The following MAML2 variants were observed in gnomAD, a reference collection of about 807,000 sequenced individuals.
MAML2 encodes the protein mastermind like transcriptional coactivator 2.
A neutral mutation model predicts 96.1 loss-of-function variants in MAML2; 22 were observed. That is an observed-to-expected ratio of 0.23 (90% CI 0.16 to 0.33). The LOEUF (loss-of-function observed/expected upper bound fraction) is 0.33. MAML2 is among the 10% of genes least tolerant of loss of function. The pLI is 1.00. For synonymous variants in MAML2, 561 were observed against 521.3 expected, an observed-to-expected ratio of 1.08 and a Z score of -1.04; for missense variants, 1,367 against 1,392.4, an observed-to-expected ratio of 0.98 and a Z score of 0.29.
intron 2 of MAML2, among the ~76,000 whole-genome samples, chr11:96,064,052 TG>T (rs1199185972): frequency 6.6e-6 from 1 of 152,228 alleles, no homozygotes; most frequent in Non-Finnish European, 1.5e-5. Context: ...AGGATGTTGT[TG>T]TACAGTGCCT....
chr11:96,069,442 G>A (rs983732501), intron 2 of MAML2, among the ~76,000 whole-genome samples: 10 of 152,186 alleles, frequency 6.6e-5, no homozygotes, highest in Non-Finnish European at 1.0e-4. Context: ...GGGAAGCCGA[G>A]GTGGGCAGAT....
chr11:96,226,524 T>C (rs2135951016), intron 1 of MAML2, among the ~76,000 whole-genome samples: 1 of 152,326 alleles, frequency 6.6e-6, no homozygotes, highest in Admixed American at 6.5e-5. Context: ...GAAAAGCTGC[T>C]CTAGAGGAAA....
Position 95,979,631 on chromosome 11 carries a change from C to T in MAML2, c.2788G>A (p.Val930Ile), listed in dbSNP as rs1205769001. The T allele has an allele frequency of 9.3e-6, 15 of 1,613,836 alleles. No individual in the cohort carries two copies. The highest frequency in any genetic ancestry group is 1.3e-5 in the Non-Finnish European group (15 of 1,179,890). ...NNVATFGAGSVGNSQQLRPNL... is the reference protein window; with the variant it reads ...NNVATFGAGSIGNSQQLRPNL... ...GGTCTCAATTGTTGTGAATTACCAA[C>T]AGATCCAGCTCCAAAAGTGGCTACA... Residue 930 changes from valine (V) to isoleucine (I), a missense_variant, in exon 5 of 5, where the codon GTT becomes ATT. Coordinates refer to ENST00000524717, the MANE Select transcript of MAML2 (RefSeq NM_032427.4).
At chr11:96,061,255 A>G (rs944615191) in intron 2 of MAML2, among the ~76,000 whole-genome samples, 1 of 152,240 alleles carries the variant, frequency 6.6e-6, no homozygotes, top group African/African-American at 2.4e-5. Context: ...TCTTTTGATT[A>G]CCAGAAGTAG....
chr11:96,321,652 G>GT (rs1410384713), intron 1 of MAML2, among the ~76,000 whole-genome samples: 1 of 152,162 alleles, frequency 6.6e-6, no homozygotes, highest in Non-Finnish European at 1.5e-5. Flanking sequence ...TCTATAGAAG[G>GT]TTTTTGTTCT....
chr11:95,990,529 T>C (rs1442074887), intron 3 of MAML2, among the ~76,000 whole-genome samples: 1 of 152,212 alleles, frequency 6.6e-6, no homozygotes, highest in African/African-American at 2.4e-5. Flanking sequence ...TTCTAGTAGT[T>C]ACCAGAGTAT....
intron 1 of MAML2, among the ~76,000 whole-genome samples, chr11:96,260,312 G>T (rs887982277): frequency 1.3e-5 from 2 of 152,174 alleles, no homozygotes; most frequent in Admixed American, 1.3e-4. Context: ...GGTGACACTG[G>T]AATAACAGGA....
chr11:96,008,021 T>A (rs1459859784), intron 2 of MAML2, among the ~76,000 whole-genome samples: 20 of 96,024 alleles, frequency 2.1e-4, no homozygotes, highest in African/African-American at 8.1e-4. Context: ...AAACTTAAAG[T>A]ATAAAAAAAA....
rs192848947 is a variant in MAML2 at position 96,201,710 on chromosome 11, G to A, written c.514-108193C>T. On this transcript the variant is annotated intron_variant, in intron 1 of 4. Transcript: ENST00000524717. Reference sequence around the variant, plus strand: ...CAAGGCAGGCGGATCACGAGGTCAGGAGATCGAGACCATCCTGGCTAACAC... The same window carrying A: ...CAAGGCAGGCGGATCACGAGGTCAGAAGATCGAGACCATCCTGGCTAACAC... 5.5e-3 allele frequency among the ~76,000 whole-genome samples: 837 copies of A among 152,160 alleles called. 9 individuals are homozygous for A. The highest frequency in any genetic ancestry group is 0.019 in the African/African-American group (796 of 41,518).
At chr11:96,222,164 T>C (rs1431130021) in intron 1 of MAML2, among the ~76,000 whole-genome samples, 1 of 152,204 alleles carries the variant, frequency 6.6e-6, no homozygotes, top group Non-Finnish European at 1.5e-5. Flanking sequence ...GTAATCCCAC[T>C]GTTGCAGACT....
chr11:96,115,972 T>C lies in MAML2; in HGVS notation c.514-22455A>G, dbSNP rs78419820. ...CTGAAGAGCTATCTCAGCATATCTA[T>C]GAAAATCAGACTCTGGGGCTGAGAG... is the stretch of plus-strand genomic sequence containing the variant. On this transcript the variant is annotated intron_variant, in intron 1 of 4. Transcript: ENST00000524717. Among the ~76,000 whole-genome samples, 611 of 152,246 alleles carry C rather than the reference T, an allele frequency of 4.0e-3. 6 individuals are homozygous for C. The highest frequency in any genetic ancestry group is 0.014 in the African/African-American group (580 of 41,556).
At chr11:96,003,739 A>G (rs1858133999) in intron 2 of MAML2, among the ~76,000 whole-genome samples, 1 of 152,186 alleles carries the variant, frequency 6.6e-6, no homozygotes, top group African/African-American at 2.4e-5. Flanking sequence ...ACAAATATTA[A>G]TATCTATACT....
chr11:96,104,681 G>T (rs1859993368), intron 1 of MAML2, among the ~76,000 whole-genome samples: 1 of 152,162 alleles, frequency 6.6e-6, no homozygotes, highest in Non-Finnish European at 1.5e-5. Context: ...ATGGAAGGCT[G>T]CCTATATTGT....
At chr11:96,033,857 G>C (rs554555801) in intron 2 of MAML2, among the ~76,000 whole-genome samples, 3 of 152,312 alleles carry the variant, frequency 2.0e-5, no homozygotes, top group South Asian at 4.1e-4. Context: ...ATTACTAACA[G>C]AGGATGGGCT....
At chr11:96,245,991 C>T (rs1347200431) in intron 1 of MAML2, among the ~76,000 whole-genome samples, 1 of 152,148 alleles carries the variant, frequency 6.6e-6, no homozygotes, top group Non-Finnish European at 1.5e-5. Context: ...GTGTGAGCCA[C>T]TGTGCCCAGC....
chr11:96,141,467 C>G (rs1860729271), intron 1 of MAML2, among the ~76,000 whole-genome samples: 2 of 152,004 alleles, frequency 1.3e-5, no homozygotes, highest in African/African-American at 4.8e-5. Flanking sequence ...TTGTGCTTAC[C>G]CTGAGAACAG....
At position 96,240,557 on chromosome 11, in the gene MAML2, C is replaced by CAACAAAAAAAAAAAAAAAAAA. The variant is rs568304250; in HGVS notation, c.513+100825_513+100826insTTTTTTTTTTTTTTTTTTGTT. ...TGGGCGACAGAGCGAGACTCCGTCT[C>CAACAAAAAAAAAAAAAAAAAA]AAAAAAAAAAAAAAAAAAAAAAAAA... On this transcript the variant is annotated intron_variant, in intron 1 of 4. Transcript: ENST00000524717. Among the ~76,000 whole-genome samples the CAACAAAAAAAAAAAAAAAAAA allele has an allele frequency of 1.3e-3, 67 of 51,096 alleles. 13 individuals carry two copies. The highest frequency in any genetic ancestry group is 2.1e-3 in the South Asian group (2 of 958). 33.5% of individuals were successfully genotyped at this position (51,096 alleles called of 152,430 possible).
chr11:96,160,019 G>A (rs1008477969), intron 1 of MAML2, among the ~76,000 whole-genome samples: 1 of 152,170 alleles, frequency 6.6e-6, no homozygotes, highest in Non-Finnish European at 1.5e-5. Context: ...CCTTGAATCA[G>A]GAAAGAGTAT....
chr11:96,094,904 G>A (rs555724167), intron 1 of MAML2, among the ~76,000 whole-genome samples: 75 of 152,126 alleles, frequency 4.9e-4, no homozygotes, highest in African/African-American at 1.6e-3. Context: ...AAGATTTCTA[G>A]GTAGACTAAT....
Sources: allele counts gnomAD v4.1 joint callset (sites outside exome capture counted in the v4.1 genomes callset), GRCh38; gene constraint gnomAD v4.1.1; transcripts MANE v1.5; gene names NCBI Gene and HGNC (gene_info 2026-07-23, HGNC 2026-07-21).